TAFA2: variants seen among roughly 807,000 people sequenced by gnomAD.
The protein encoded by TAFA2 is chemokine-like protein TAFA-2.
A neutral mutation model predicts 18.8 loss-of-function variants in TAFA2; 7 were observed. That is an observed-to-expected ratio of 0.37 (90% CI 0.21 to 0.70). The LOEUF is 0.70. Ranked by LOEUF, TAFA2 falls within the 30% of genes least tolerant of loss-of-function variation. The pLI is 0.53. For missense variants in TAFA2, 122 were observed against 158.1 expected (o/e 0.77, Z 1.23); for synonymous variants, 60 against 54.2 (o/e 1.11, Z -0.47).
chr12:61,934,406 A>G (rs1877681440), intron 1 of TAFA2, among the ~76,000 whole-genome samples: 1 of 152,212 alleles, frequency 6.6e-6, no homozygotes, highest in South Asian at 2.1e-4. Context: ...AATCTTCACC[A>G]CCAGTAATGA....
intron 1 of TAFA2, among the ~76,000 whole-genome samples, chr12:62,138,163 G>A (rs1052764736): frequency 2.0e-5 from 3 of 152,092 alleles, no homozygotes. Flanking sequence ...CCCGCCTGTT[G>A]TCCAAAGCTA....
chr12:61,770,841 C>T (rs1163950371), intron 2 of TAFA2, among the ~76,000 whole-genome samples: 2 of 151,702 alleles, frequency 1.3e-5, no homozygotes, highest in Non-Finnish European at 3.0e-5. Flanking sequence ...AAAAAAGAAA[C>T]CCAAGGTATC....
intron 2 of TAFA2, among the ~76,000 whole-genome samples, chr12:61,785,793 T>A (rs1333604272): frequency 6.6e-6 from 1 of 151,616 alleles, no homozygotes; most frequent in African/African-American, 2.4e-5. Context: ...CAAAATCAGC[T>A]AATGACACAT....
chr12:61,815,611 C>T (rs189788870), intron 2 of TAFA2, among the ~76,000 whole-genome samples: 13 of 149,550 alleles, frequency 8.7e-5, no homozygotes, highest in African/African-American at 2.0e-4. Flanking sequence ...TGCAGTGAGC[C>T]GAGATCGTGC....
intron 1 of TAFA2, among the ~76,000 whole-genome samples, chr12:61,872,517 C>T (rs997600059): frequency 6.6e-6 from 1 of 152,004 alleles, no homozygotes; most frequent in African/African-American, 2.4e-5. Flanking sequence ...ATCACATTGC[C>T]CCACTGGCCT....
At chr12:62,091,619 T>C (rs2136834781) in intron 1 of TAFA2, among the ~76,000 whole-genome samples, 1 of 152,050 alleles carries the variant, frequency 6.6e-6, no homozygotes, top group East Asian at 1.9e-4. Flanking sequence ...TCTGAGCCAG[T>C]GATTCCAATC....
At chr12:61,927,748 T>C (rs1877366850) in intron 1 of TAFA2, among the ~76,000 whole-genome samples, 1 of 152,212 alleles carries the variant, frequency 6.6e-6, no homozygotes, top group South Asian at 2.1e-4. Context: ...TCATGCCACT[T>C]GACTTCAAAC....
At chr12:62,080,936 T>A (rs1354075293) in intron 1 of TAFA2, among the ~76,000 whole-genome samples, 3 of 152,186 alleles carry the variant, frequency 2.0e-5, no homozygotes, top group African/African-American at 7.2e-5. Flanking sequence ...GGCTCACGCC[T>A]GTAACCCCAG....
intron 2 of TAFA2, among the ~76,000 whole-genome samples, chr12:61,805,819 C>T (rs915048277): frequency 2.0e-5 from 3 of 152,088 alleles, no homozygotes; most frequent in Non-Finnish European, 2.9e-5. Flanking sequence ...TCCTAGAGCC[C>T]TGAGCTGAGA....
chr12:61,862,079 T>C (rs992455133), intron 2 of TAFA2, among the ~76,000 whole-genome samples: 13 of 152,130 alleles, frequency 8.5e-5, no homozygotes, highest in African/African-American at 2.9e-4. Flanking sequence ...GAAATCTAGT[T>C]TGGATGTGAT....
chr12:61,988,486 T>C (rs1169919119), intron 1 of TAFA2, among the ~76,000 whole-genome samples: 1 of 150,796 alleles, frequency 6.6e-6, no homozygotes, highest in Non-Finnish European at 1.5e-5. Flanking sequence ...GTTGGAGGAG[T>C]TTTTCAAATG....
intron 1 of TAFA2, among the ~76,000 whole-genome samples, chr12:61,906,680 G>C (rs1461827445): frequency 1.3e-5 from 2 of 152,166 alleles, no homozygotes; most frequent in African/African-American, 4.8e-5. Context: ...CCAGAAGCCA[G>C]GAAGATATGG....
intron 1 of TAFA2, among the ~76,000 whole-genome samples, chr12:62,043,319 T>C (rs2136762996): frequency 6.6e-6 from 1 of 152,216 alleles, no homozygotes; most frequent in South Asian, 2.1e-4. Context: ...TGTAGGGACA[T>C]GGATGAAACT....
At chr12:61,917,808 A>G (rs543575184) in intron 1 of TAFA2, among the ~76,000 whole-genome samples, 2 of 152,270 alleles carry the variant, frequency 1.3e-5, no homozygotes, top group East Asian at 3.9e-4. Flanking sequence ...GCCACATAGT[A>G]AAAAAAGTAC....
intron 1 of TAFA2, among the ~76,000 whole-genome samples, chr12:61,993,246 CT>C (rs1592535569): frequency 6.6e-6 from 1 of 152,138 alleles, no homozygotes; most frequent in African/African-American, 2.4e-5. Flanking sequence ...CATTAATTTC[CT>C]TTATTGACTT....
intron 1 of TAFA2, among the ~76,000 whole-genome samples, chr12:62,088,927 T>C (rs35758278): frequency 0.18 from 27,973 of 151,692 alleles, 2,802 homozygotes; most frequent in East Asian, 0.39. Context: ...TGTGTGTGTG[T>C]GCACGCGCGC....
intron 1 of TAFA2, among the ~76,000 whole-genome samples, chr12:61,953,579 T>A (rs1878542619): frequency 2.9e-5 from 1 of 35,036 alleles, no homozygotes; most frequent in Admixed American, 4.5e-4. Context: ...TGTGGGATTT[T>A]AACCTATACA....
intron 4 of TAFA2, among the ~76,000 whole-genome samples, chr12:61,732,281 C>CAA (rs1870488363): frequency 6.6e-6 from 1 of 152,040 alleles, no homozygotes; most frequent in Non-Finnish European, 1.5e-5. Flanking sequence ...GTGAAATAAG[C>CAA]AAGGAAGAAA....
intron 1 of TAFA2, among the ~76,000 whole-genome samples, chr12:62,236,252 GT>G (rs1212864371): frequency 8.1e-5 from 11 of 134,988 alleles, no homozygotes; most frequent in South Asian, 2.3e-4. Flanking sequence ...GCCTTCAAAT[GT>G]TTTTTTTCTT....
Sources: allele counts gnomAD v4.1 joint callset (sites outside exome capture counted in the v4.1 genomes callset), GRCh38; gene constraint gnomAD v4.1.1; transcripts MANE v1.5; gene names NCBI Gene and HGNC (gene_info 2026-07-23, HGNC 2026-07-21).